Variants in ADGB observed in about 807,000 individuals in gnomAD.
ADGB encodes the protein androglobin.
ADGB carries 172 observed loss-of-function variants against 210.5 expected under a neutral mutation model. The ratio of observed to expected loss-of-function variants is 0.82; its 90% CI spans 0.72 to 0.93. The LOEUF is 0.93. Ranked by LOEUF, ADGB falls within the 40% of genes least tolerant of loss-of-function variation. The pLI is 0.00. For synonymous variants in ADGB, 658 were observed against 662.7 expected (o/e 0.99, Z 0.11); for missense variants, 2,025 against 1,964.8 (o/e 1.03, Z -0.58).
At chr6:146,812,416 G>C (rs1358179627) in intron 35 of ADGB, among the ~76,000 whole-genome samples, 2 of 152,272 alleles carry the variant, frequency 1.3e-5, no homozygotes, top group African/African-American at 4.8e-5. Flanking sequence ...CTCTGAAGGG[G>C]TTTTCAGGAA....
chr6:146,646,064 T>C (rs1775606452), intron 3 of ADGB, among the ~76,000 whole-genome samples: 1 of 152,090 alleles, frequency 6.6e-6, no homozygotes, highest in East Asian at 1.9e-4. Context: ...ATAAAGGGTG[T>C]GAATTCCACA....
chr6:146,659,648 T>C (rs1473314383), intron 5 of ADGB, among the ~76,000 whole-genome samples: 1 of 152,170 alleles, frequency 6.6e-6, no homozygotes, highest in East Asian at 1.9e-4. Flanking sequence ...CTAAGTAAAT[T>C]GTATCAAGTT....
intron 5 of ADGB, among the ~76,000 whole-genome samples, chr6:146,660,958 C>T (rs894562124): frequency 5.3e-5 from 8 of 152,056 alleles, no homozygotes; most frequent in African/African-American, 1.9e-4. Context: ...TTATTGCATT[C>T]TTAATCCCCT....
chr6:146,770,737 G>A (rs552293994), intron 29 of ADGB: 26 of 375,584 alleles, frequency 6.9e-5, no homozygotes, highest in South Asian at 4.2e-4. Flanking sequence ...AGAGAAAGTG[G>A]TAGCACTGGG....
chr6:146,801,220 A>T lies in ADGB; in HGVS notation c.4575A>T (p.Glu1525Asp), dbSNP rs749876644. 6.6e-7 allele frequency: 1 copy of T among 1,509,450 alleles called. No homozygotes were observed. Among genetic ancestry groups the T allele is most frequent in the South Asian group, 1.3e-5 (1 of 76,940 alleles). The allele number at this position is 1,509,450 out of a possible 1,614,324, so 93.5% of individuals were successfully genotyped here. Residue 1525 changes from glutamate to aspartate, a missense_variant, in exon 34 of 36, where the codon GAA becomes GAT. Coordinates refer to ENST00000397944, the MANE Select transcript of ADGB (RefSeq NM_024694.4). ...GPRTRSPTIL[E>D]TSPRLIRKAL... ...GTACACGATCTCCAACAATTTTGGA[A>T]ACATCTCCACGACTTATTCGAAAAG... is the stretch of plus-strand genomic sequence containing the variant.
chr6:146,782,732 A>G (rs941763057), intron 30 of ADGB, among the ~76,000 whole-genome samples: 6 of 152,064 alleles, frequency 3.9e-5, no homozygotes, highest in African/African-American at 1.4e-4. Flanking sequence ...GAAGGCTGGG[A>G]CTCTATATAC....
At chr6:146,735,702 C>A (rs1325744791) in intron 22 of ADGB, among the ~76,000 whole-genome samples, 1 of 152,130 alleles carries the variant, frequency 6.6e-6, no homozygotes, top group African/African-American at 2.4e-5. Context: ...TTTTTAGAGA[C>A]TGAAAATATG....
rs568459773 is a variant in ADGB at position 146,726,114 on chromosome 6, C to A, written c.2269C>A (p.Pro757Thr). Residue 757 changes from proline (P) to threonine (T), a missense_variant, in exon 19 of 36, where the codon CCA becomes ACA. Physicochemically the swap from Pro to Thr is conservative, Grantham distance 38. Transcript: ENST00000397944. ...CATGCTACTCTTCAACGCATACTCC[C>A]CAGTAGGACACTCCATACACATCTG... ...RHMLLFNAYS[P>T]VGHSIHICSM... The A allele has an allele frequency of 3.0e-5, 47 of 1,547,918 alleles. No individual in the cohort carries two copies. The highest frequency in any genetic ancestry group is 3.2e-5 in the Non-Finnish European group (37 of 1,143,712).
chr6:146,687,713 T>C (rs1391829053), intron 10 of ADGB, among the ~76,000 whole-genome samples: 8 of 152,018 alleles, frequency 5.3e-5, no homozygotes, highest in African/African-American at 1.7e-4. Context: ...ATGGCACACA[T>C]AGACCTATGT....
chr6:146,729,974 C>T lies in ADGB; in HGVS notation c.2520+1233C>T, dbSNP rs1776955561. ...CAGTTGTGACAACTGAAAAAGACTT[C>T]AGACATTGCTAGATGCCCCTGCAGG... is the stretch of plus-strand genomic sequence containing the variant. On this transcript the variant is annotated intron_variant, in intron 20 of 35. Transcript: ENST00000397944. 2.0e-5 allele frequency among the ~76,000 whole-genome samples: 3 copies of T among 152,132 alleles called. No individual in the cohort carries two copies. The South Asian group carries it at 6.2e-4, about 32-fold the overall frequency.
chr6:146,714,037 T>A (rs1018546652), intron 13 of ADGB, among the ~76,000 whole-genome samples: 1 of 152,208 alleles, frequency 6.6e-6, no homozygotes, highest in Admixed American at 6.5e-5. Context: ...ATATTACCAA[T>A]CTTTTAAAAA....
chr6:146,691,457 T>A (rs1378718899), intron 11 of ADGB, among the ~76,000 whole-genome samples, 167 bp downstream of exon 11: 7 of 40,972 alleles, frequency 1.7e-4, no homozygotes, highest in Admixed American at 1.6e-3. Context: ...TATATATATA[T>A]AAAAATATAT....
At chr6:146,689,413 A>C (rs1339726565) in intron 10 of ADGB, among the ~76,000 whole-genome samples, 1 of 152,082 alleles carries the variant, frequency 6.6e-6, no homozygotes, top group East Asian at 1.9e-4. Context: ...GCTGTATTTA[A>C]ATTTCTTGTG....
At chr6:146,803,670 A>G (rs1778165619) in intron 35 of ADGB, 4 of 1,284,172 alleles carry the variant, frequency 3.1e-6, no homozygotes, top group South Asian at 2.4e-5. Context: ...ATCTTATTAC[A>G]AAAGTTCCGT....
intron 22 of ADGB, among the ~76,000 whole-genome samples, chr6:146,734,914 TC>T (rs1320148729): frequency 6.6e-6 from 1 of 151,894 alleles, no homozygotes; most frequent in Non-Finnish European, 1.5e-5. Flanking sequence ...AGATCTTGTC[TC>T]AAAAAAACAA....
chr6:146,610,051 C>A (rs1425207073), intron 1 of ADGB, among the ~76,000 whole-genome samples: 1 of 152,158 alleles, frequency 6.6e-6, no homozygotes, highest in Non-Finnish European at 1.5e-5. Flanking sequence ...GAATGTCAAC[C>A]TCTCTATTGA....
At chr6:146,803,743 G>C (rs1390199435) in intron 35 of ADGB, 5 of 806,704 alleles carry the variant, frequency 6.2e-6, no homozygotes, top group Admixed American at 5.2e-5. Context: ...ATGGTACCGC[G>C]GCGCCTCAGC....
At position 146,708,946 on chromosome 6, in the gene ADGB, T is replaced by C. The variant is rs565909041; in HGVS notation, c.1708-6436T>C. 2.6e-5 allele frequency among the ~76,000 whole-genome samples: 4 copies of C among 152,296 alleles called. No homozygotes were observed. In the South Asian group the frequency reaches 8.3e-4, roughly 32 times the overall value. Reference sequence around the variant, plus strand: ...ATATTTTCCAATAGCCTGTCTTCAATTTCACAGTTTCTTTCTTTTGCTTGT... The same window carrying C: ...ATATTTTCCAATAGCCTGTCTTCAACTTCACAGTTTCTTTCTTTTGCTTGT... On this transcript the variant is annotated intron_variant, in intron 13 of 35. Coordinates refer to ENST00000397944, the MANE Select transcript of ADGB (RefSeq NM_024694.4).
intron 35 of ADGB, chr6:146,803,377 T>G (rs2114667514): frequency 1.9e-6 from 3 of 1,607,744 alleles, no homozygotes; most frequent in Non-Finnish European, 2.6e-6. Flanking sequence ...AATTTTTCAG[T>G]CTGGTGGCCT....
Sources: allele counts gnomAD v4.1 joint callset (sites outside exome capture counted in the v4.1 genomes callset), GRCh38; gene constraint gnomAD v4.1.1; transcripts MANE v1.5; gene names NCBI Gene and HGNC (gene_info 2026-07-23, HGNC 2026-07-21).